Variants in RBMX observed in about 807,000 individuals in gnomAD.
RBMX encodes RNA-binding motif protein, X chromosome.
RBMX carries 1 observed loss-of-function variant against 29.3 expected under a neutral mutation model. The ratio of observed to expected loss-of-function variants is 0.03; its 90% CI spans 0.01 to 0.16. The LOEUF is 0.16. Among genes scored for constraint, RBMX ranks in the 10% least tolerant of loss-of-function variants. The pLI, the probability that RBMX is intolerant of heterozygous loss-of-function variation, is 1.00. For missense variants in RBMX, 121 were observed against 333.2 expected (o/e 0.36, Z 4.96); for synonymous variants, 102 against 102.3 (o/e 1.00, Z 0.02).
At chrX:136,871,560 A>G (rs1224622454), downstream of RBMX, among the ~76,000 whole-genome samples, 1 of 111,776 alleles carries the variant, frequency 8.9e-6, no homozygotes, top group East Asian at 2.8e-4. Context: ...TTAACTCCAC[A>G]TTTAGTCAAT....
chrX:136,877,899 C>G lies in RBMX; in HGVS notation c.388+16G>C. The G allele has an allele frequency of 8.6e-7, 1 of 1,164,645 alleles. No individual in the cohort carries two copies. Among genetic ancestry groups the G allele is most frequent in the Non-Finnish European group, 1.2e-6 (1 of 868,890 alleles). ...CTAACTTATACACCAAACCCGAGGTCCACGCAAGTTATTACCCATGTGTCC... is the reference window on the plus strand; with the variant it reads ...CTAACTTATACACCAAACCCGAGGTGCACGCAAGTTATTACCCATGTGTCC... On this transcript the variant is annotated intron_variant, in intron 4 of 8. Coordinates refer to ENST00000320676, the MANE Select transcript of RBMX (RefSeq NM_002139.4).
At chrX:136,871,174 C>T (rs184838773), downstream of RBMX, among the ~76,000 whole-genome samples, 4 of 107,774 alleles carry the variant, frequency 3.7e-5, no homozygotes, top group Admixed American at 3.0e-4. Flanking sequence ...CGGCCAGGTG[C>T]GGTGGCTCAT....
Position 136,875,147 on chromosome X carries a change from A to G in RBMX, c.804T>C (p.Arg268=). The G allele has an allele frequency of 1.7e-6, 2 of 1,212,049 alleles. No homozygotes were observed. Among genetic ancestry groups the G allele is most frequent in the Non-Finnish European group, 2.2e-6 (2 of 895,607 alleles). ...TTGGATGATCTGAATAGTCACGATC[A>G]CGACCATATCCATCTCTATCGCTAA... ...RGYSDRDGYG[R]DRDYSDHPSG... is the part of the protein sequence containing the mutation. The change falls in exon 8 of 9, where the codon CGT becomes CGC. Residue 268 remains arginine (R), a synonymous_variant. Transcript: ENST00000320676.
intron 4 of RBMX, among the ~76,000 whole-genome samples, chrX:136,877,384 T>C (rs1409542456): frequency 1.0e-5 from 1 of 98,484 alleles, no homozygotes; most frequent in Non-Finnish European, 2.0e-5. Flanking sequence ...GTTTCACTTG[T>C]ACTTGATGGA....
At chrX:136,870,165 A>G (rs939278205), downstream of RBMX, 1 of 112,793 alleles carries the variant, frequency 8.9e-6, no homozygotes, top group African/African-American at 3.2e-5. Context: ...GTGAAGAACC[A>G]CAAGAACTTC....
chrX:136,876,487 T>C lies in RBMX; in HGVS notation c.541+16A>G, dbSNP rs768051275. 8.6e-7 allele frequency: 1 copy of C among 1,162,059 alleles called. No individual in the cohort carries two copies. Among genetic ancestry groups the C allele is most frequent in the Non-Finnish European group, 1.1e-6 (1 of 874,239 alleles). ...GTTACGGTAGTAGCATAAATCATCATACATGGAACATTTACCTCTTCCTCC... is the reference window on the plus strand; with the variant it reads ...GTTACGGTAGTAGCATAAATCATCACACATGGAACATTTACCTCTTCCTCC... On this transcript the variant is annotated intron_variant, in intron 5 of 8. Coordinates refer to ENST00000320676, the MANE Select transcript of RBMX (RefSeq NM_002139.4).
intron 1 of RBMX, 117 bp from the exon 2 acceptor site, chrX:136,879,570 A>G: frequency 6.3e-6 from 4 of 636,188 alleles, no homozygotes; most frequent in Non-Finnish European, 9.5e-6. Context: ...TAATAACTAA[A>G]GAAAACGATA....
downstream of RBMX, among the ~76,000 whole-genome samples, chrX:136,872,074 A>C (rs1470268783): frequency 8.9e-6 from 1 of 111,749 alleles, no homozygotes; most frequent in African/African-American, 3.3e-5. Context: ...GACTCACGGA[A>C]ATGTAACCTC....
chrX:136,879,786 T>G (rs778990975), intron 1 of RBMX, among the ~76,000 whole-genome samples: 2 of 111,500 alleles, frequency 1.8e-5, no homozygotes, highest in Non-Finnish European at 3.8e-5. Flanking sequence ...ATTCAATTAC[T>G]CATCACACCC....
intron 1 of RBMX, among the ~76,000 whole-genome samples, chrX:136,879,982 TCTA>T (rs1222929031): frequency 9.0e-6 from 1 of 111,591 alleles, no homozygotes; most frequent in Non-Finnish European, 1.9e-5. Flanking sequence ...TACCGAAAAT[TCTA>T]CTATCCGGCC....
At chrX:136,876,132 T>TG (rs1461075380) in intron 5 of RBMX, among the ~76,000 whole-genome samples, 2 of 101,924 alleles carry the variant, frequency 2.0e-5, no homozygotes, top group Non-Finnish European at 4.0e-5. Context: ...TTTGTTTTTT[T>TG]TTTTTTTTTG....
chrX:136,880,290 T>TAGCGCC (rs1279671918), intron 1 of RBMX, among the ~76,000 whole-genome samples: 1 of 112,071 alleles, frequency 8.9e-6, no homozygotes. Context: ...TGCCCATCAT[T>TAGCGCC]AGCGCCAGCG....
At chrX:136,872,457 C>G (rs2077691231), downstream of RBMX, 7 of 626,699 alleles carry the variant, frequency 1.1e-5, no homozygotes, top group Non-Finnish European at 1.8e-5. Flanking sequence ...AGACTTGCAG[C>G]TTAATATATT....
At chrX:136,870,688 G>A (rs964613218), downstream of RBMX, among the ~76,000 whole-genome samples, 2 of 104,044 alleles carry the variant, frequency 1.9e-5, no homozygotes, top group Admixed American at 1.1e-4. Context: ...AAGATTAGCC[G>A]GGCACGGTGG....
intron 8 of RBMX, 190 bp downstream of exon 8, chrX:136,874,896 A>G: frequency 1.2e-6 from 1 of 828,997 alleles, no homozygotes; most frequent in Non-Finnish European, 1.6e-6. Context: ...GCAAGCAAAC[A>G]GCCTCAAAAG....
chrX:136,879,516 A>T (rs189792197), intron 1 of RBMX, 63 bp from the exon 2 acceptor site: 1 of 889,380 alleles, frequency 1.1e-6, no homozygotes, highest in Non-Finnish European at 1.6e-6. Flanking sequence ...GGACACTTTT[A>T]CTTTCGCACA....
chrX:136,871,585 T>C (rs780514701), downstream of RBMX, among the ~76,000 whole-genome samples: 3 of 111,554 alleles, frequency 2.7e-5, no homozygotes, highest in Non-Finnish European at 5.6e-5. Context: ...ATTGTAGCTA[T>C]GCAAATGAGC....
intron 8 of RBMX, 100 bp from the exon 9 acceptor site, chrX:136,874,552 T>C: frequency 1.7e-5 from 17 of 1,016,938 alleles, no homozygotes; most frequent in Non-Finnish European, 2.3e-5. Flanking sequence ...AAAGTTTACT[T>C]TCTCAACTGG....
At position 136,875,156 on chromosome X, in the gene RBMX, T is replaced by C; in HGVS notation, c.795A>G (p.Gly265=). 1 of 1,211,594 alleles carries C rather than the reference T, an allele frequency of 8.3e-7. No individual in the cohort carries two copies. Among genetic ancestry groups the C allele is most frequent in the Non-Finnish European group, 1.1e-6 (1 of 895,522 alleles). Residue 265 remains glycine (G), a synonymous_variant, in exon 8 of 9, where the codon GGA becomes GGG. Transcript: ENST00000320676. The part of the protein sequence containing the change: ...YPSRGYSDRD[G]YGRDRDYSDH... ...CTGAATAGTCACGATCACGACCATA[T>C]CCATCTCTATCGCTAAATTAAAGAG...
Sources: allele counts gnomAD v4.1 joint callset (sites outside exome capture counted in the v4.1 genomes callset), GRCh38; gene constraint gnomAD v4.1.1; transcripts MANE v1.5; gene names NCBI Gene and HGNC (gene_info 2026-07-23, HGNC 2026-07-21).